NLGN1: variants seen among roughly 807,000 people sequenced by gnomAD.
The protein encoded by NLGN1 is neuroligin-1.
Under a neutral mutation model 65.5 loss-of-function variants are expected in NLGN1, and 12 were observed. The observed-to-expected ratio is 0.18, with a 90% CI of 0.12 to 0.30. The LOEUF (loss-of-function observed/expected upper bound fraction) is 0.30, where lower values mean the gene tolerates loss of function less well. Among genes scored for constraint, NLGN1 ranks in the 10% least tolerant of loss-of-function variants. The pLI, the probability that NLGN1 is intolerant of heterozygous loss-of-function variation, is 1.00. For missense variants in NLGN1, 750 were observed against 1,007.1 expected, an observed-to-expected ratio of 0.74 and a Z score of 3.46; for synonymous variants, 350 against 359.5, an observed-to-expected ratio of 0.97 and a Z score of 0.30.
intron 4 of NLGN1, among the ~76,000 whole-genome samples, chr3:173,821,219 T>C (rs1421214608): frequency 6.6e-6 from 1 of 152,210 alleles, no homozygotes; most frequent in East Asian, 1.9e-4. Flanking sequence ...AGAGAAATAC[T>C]AATTTCTGTT....
chr3:173,421,082 A>G (rs1457546012), intron 1 of NLGN1, among the ~76,000 whole-genome samples: 1 of 152,172 alleles, frequency 6.6e-6, no homozygotes, highest in Non-Finnish European at 1.5e-5. Context: ...GTTAAAAATA[A>G]TAATACAATT....
chr3:173,594,808 T>C (rs1158350326), intron 2 of NLGN1, among the ~76,000 whole-genome samples: 4 of 152,254 alleles, frequency 2.6e-5, no homozygotes, highest in African/African-American at 4.8e-5. Flanking sequence ...TCTTCACTTC[T>C]GTGCACCCAC....
At chr3:173,839,824 T>C (rs1724432852) in intron 4 of NLGN1, among the ~76,000 whole-genome samples, 1 of 152,172 alleles carries the variant, frequency 6.6e-6, no homozygotes, top group Non-Finnish European at 1.5e-5. Context: ...AGTAGGAAAT[T>C]CAAATCATCT....
chr3:173,583,706 CTAGGGGTAATCTTGAGG>C (rs1746780762), intron 2 of NLGN1, among the ~76,000 whole-genome samples: 1 of 152,082 alleles, frequency 6.6e-6, no homozygotes, highest in African/African-American at 2.4e-5. Context: ...GTCGGAAATG[CTAGGGGTAATCTTGAGG>C]TCATTGAATT....
At chr3:173,781,751 C>T (rs939605256) in intron 3 of NLGN1, among the ~76,000 whole-genome samples, 6 of 152,112 alleles carry the variant, frequency 3.9e-5, no homozygotes, top group African/African-American at 1.2e-4. Context: ...CCTTGGCATA[C>T]GAGGTGGTCA....
intron 4 of NLGN1, among the ~76,000 whole-genome samples, chr3:174,198,217 T>C (rs548612511): frequency 9.8e-5 from 15 of 152,286 alleles, no homozygotes; most frequent in African/African-American, 3.4e-4. Flanking sequence ...AGGTATGTAT[T>C]GTAGGTCAGA....
At chr3:173,859,605 G>A (rs923174007) in intron 4 of NLGN1, among the ~76,000 whole-genome samples, 3 of 152,044 alleles carry the variant, frequency 2.0e-5, no homozygotes, top group African/African-American at 7.2e-5. Flanking sequence ...TGAAACCATT[G>A]TTATAGTAAA....
At chr3:173,556,288 A>G (rs976357511) in intron 2 of NLGN1, among the ~76,000 whole-genome samples, 11 of 152,176 alleles carry the variant, frequency 7.2e-5, no homozygotes, top group African/African-American at 2.7e-4. Flanking sequence ...GTGTACAAGC[A>G]CACATTCCTT....
intron 4 of NLGN1, among the ~76,000 whole-genome samples, chr3:174,238,652 G>C (rs550566991): frequency 3.3e-5 from 5 of 152,124 alleles, no homozygotes; most frequent in Non-Finnish European, 7.4e-5. Context: ...GAGACACCGC[G>C]CCCAGCCTAT....
At chr3:173,901,629 T>A (rs989344694) in intron 4 of NLGN1, among the ~76,000 whole-genome samples, 4 of 152,192 alleles carry the variant, frequency 2.6e-5, no homozygotes, top group Admixed American at 2.6e-4. Context: ...AAAACTGAAG[T>A]ATAAAATAGT....
At chr3:174,078,995 G>GGT (rs547909848) in intron 4 of NLGN1, among the ~76,000 whole-genome samples, 1,808 of 145,956 alleles carry the variant, frequency 0.012, 25 homozygotes, top group African/African-American at 0.036. Context: ...GTAATACAAC[G>GGT]GTGTGTGTGT....
chr3:173,953,538 C>G (rs932170911), intron 4 of NLGN1, among the ~76,000 whole-genome samples: 1 of 151,838 alleles, frequency 6.6e-6, no homozygotes, highest in Non-Finnish European at 1.5e-5. Flanking sequence ...TATTTATATA[C>G]TTACTTACTT....
chr3:173,860,965 T>C (rs1728946391), intron 4 of NLGN1, among the ~76,000 whole-genome samples: 2 of 152,182 alleles, frequency 1.3e-5, no homozygotes, highest in Admixed American at 1.3e-4. Flanking sequence ...CAATTGCCTA[T>C]ACTAGTCAAC....
intron 1 of NLGN1, among the ~76,000 whole-genome samples, chr3:173,428,721 C>T (rs1386838658): frequency 6.6e-6 from 1 of 151,884 alleles, no homozygotes; most frequent in Non-Finnish European, 1.5e-5. Flanking sequence ...TGTATTTGTT[C>T]TTGCCTTTTC....
At chr3:173,620,121 A>G (rs767029954) in intron 3 of NLGN1, among the ~76,000 whole-genome samples, 13 of 152,178 alleles carry the variant, frequency 8.5e-5, no homozygotes, top group Non-Finnish European at 1.9e-4. Context: ...TGAGCACTGT[A>G]GAATGTTCTT....
At chr3:173,665,542 A>G (rs914633501) in intron 3 of NLGN1, among the ~76,000 whole-genome samples, 1 of 152,158 alleles carries the variant, frequency 6.6e-6, no homozygotes, top group Non-Finnish European at 1.5e-5. Flanking sequence ...ATACATCATT[A>G]TATTTCTGCG....
intron 4 of NLGN1, among the ~76,000 whole-genome samples, chr3:174,239,337 G>A (rs1742365870): frequency 6.6e-6 from 1 of 152,048 alleles, no homozygotes; most frequent in Non-Finnish European, 1.5e-5. Context: ...CCAAAATGCT[G>A]GGATTACAGA....
At position 174,184,870 on chromosome 3, in the gene NLGN1, A is replaced by T. The variant is rs192356048; in HGVS notation, c.647-90445A>T. Among the ~76,000 whole-genome samples, 133 of 152,270 alleles carry T rather than the reference A, an allele frequency of 8.7e-4. No homozygotes were observed. The Middle Eastern group carries it at 0.014, about 16-fold the overall frequency. ...CTCATGAGTTGGGGATGGAAAGATT[A>T]AAAAGATGTCCAAAGTAGCAGGCAT... On this transcript the variant is annotated intron_variant, in intron 4 of 6. Coordinates refer to ENST00000457714, the Ensembl canonical transcript of NLGN1.
chr3:173,821,724 CTTT>C (rs1431315755), intron 4 of NLGN1, among the ~76,000 whole-genome samples: 4 of 152,082 alleles, frequency 2.6e-5, no homozygotes, highest in Admixed American at 2.6e-4. Flanking sequence ...ACATATATAA[CTTT>C]TTCCCTGATT....
Sources: allele counts gnomAD v4.1 joint callset (sites outside exome capture counted in the v4.1 genomes callset), GRCh38; gene constraint gnomAD v4.1.1; transcripts MANE v1.5; gene names NCBI Gene and HGNC (gene_info 2026-07-23, HGNC 2026-07-21).